Variants in NXPH1 observed in about 807,000 individuals in gnomAD.
The protein encoded by NXPH1 is neurexophilin-1.
Under a neutral mutation model 23.7 loss-of-function variants are expected in NXPH1, and 5 were observed. That is an observed-to-expected ratio of 0.21 (90% confidence interval 0.11 to 0.44). The LOEUF is 0.44. NXPH1 is among the 20% of genes least tolerant of loss of function. NXPH1 has a pLI of 0.99. For missense variants in NXPH1, 324 were observed against 321.6 expected (o/e 1.01, Z -0.06); for synonymous variants, 144 against 122.2 (o/e 1.18, Z -1.18).
At chr7:8,739,366 C>A (rs1025041630) in intron 2 of NXPH1, among the ~76,000 whole-genome samples, 2 of 152,000 alleles carry the variant, frequency 1.3e-5, no homozygotes, top group African/African-American at 4.8e-5. Flanking sequence ...TCCTTCAAGG[C>A]ACATTCTCTC....
intron 2 of NXPH1, among the ~76,000 whole-genome samples, chr7:8,643,225 G>A (rs1459872648): frequency 1.3e-5 from 2 of 151,996 alleles, no homozygotes; most frequent in Non-Finnish European, 2.9e-5. Flanking sequence ...TAATTAGTAT[G>A]ATAAATAGCT....
At chr7:8,740,387 T>G (rs1028957591) in intron 2 of NXPH1, among the ~76,000 whole-genome samples, 2 of 152,192 alleles carry the variant, frequency 1.3e-5, no homozygotes, top group Non-Finnish European at 2.9e-5. Flanking sequence ...CCCCATGACA[T>G]GCACTACATA....
At chr7:8,570,743 G>T (rs1332919406) in intron 2 of NXPH1, among the ~76,000 whole-genome samples, 1 of 151,920 alleles carries the variant, frequency 6.6e-6, no homozygotes, top group Non-Finnish European at 1.5e-5. Flanking sequence ...TTCAGGAGCA[G>T]AGAGAAGTGG....
chr7:8,752,007 T>TCTCACA lies in NXPH1; in HGVS notation c.*239_*244dup. 2.1e-6 allele frequency: 1 copy of TCTCACA among 486,666 alleles called. No individual in the cohort carries two copies. The allele number at this position is 486,666 out of a possible 1,614,324, so 30.1% of individuals were successfully genotyped here. ...TTTGAATTCACACCTGAAGACATGC[T>TCTCACA]CTCACATATAGAGGTACACAAACAC... On this transcript the variant is annotated 3_prime_UTR_variant, in exon 3 of 3. Transcript: ENST00000405863.
chr7:8,722,291 A>G (rs1583246222), intron 2 of NXPH1, among the ~76,000 whole-genome samples: 1 of 152,368 alleles, frequency 6.6e-6, no homozygotes, highest in South Asian at 2.1e-4. Flanking sequence ...TTTTAAAAGC[A>G]AGACTTCTGA....
At chr7:8,620,501 T>C (rs1027761840) in intron 2 of NXPH1, among the ~76,000 whole-genome samples, 3 of 152,144 alleles carry the variant, frequency 2.0e-5, no homozygotes, top group African/African-American at 7.2e-5. Context: ...ACTGTGACTT[T>C]TGGGCAAAAG....
chr7:8,629,898 A>G (rs1820088932), intron 2 of NXPH1, among the ~76,000 whole-genome samples: 1 of 152,134 alleles, frequency 6.6e-6, no homozygotes, highest in Non-Finnish European at 1.5e-5. Flanking sequence ...AGGTCCTACA[A>G]CCTTTTGCCT....
intron 2 of NXPH1, among the ~76,000 whole-genome samples, chr7:8,661,794 C>A (rs1215478504): frequency 6.6e-6 from 1 of 151,956 alleles, no homozygotes; most frequent in Non-Finnish European, 1.5e-5. Flanking sequence ...ATGAGGAGTG[C>A]CCCTCAGTCT....
chr7:8,487,863 C>T (rs1336718511), intron 2 of NXPH1, among the ~76,000 whole-genome samples: 1 of 152,112 alleles, frequency 6.6e-6, no homozygotes, highest in Non-Finnish European at 1.5e-5. Flanking sequence ...TCTTTCAACA[C>T]CAGATTGCCT....
intron 2 of NXPH1, among the ~76,000 whole-genome samples, chr7:8,619,590 C>G (rs2214507): frequency 0.28 from 42,133 of 152,068 alleles, 6,313 homozygotes; most frequent in African/African-American, 0.36. Context: ...ATTGAGCAAC[C>G]TCACTGACTC....
chr7:8,493,938 A>C (rs1817294865), intron 2 of NXPH1, among the ~76,000 whole-genome samples: 1 of 152,024 alleles, frequency 6.6e-6, no homozygotes, highest in Non-Finnish European at 1.5e-5. Context: ...GTTTTTGTTC[A>C]CTCAAATAAG....
chr7:8,679,005 T>C (rs1265517243), intron 2 of NXPH1, among the ~76,000 whole-genome samples: 1 of 139,544 alleles, frequency 7.2e-6, no homozygotes, highest in Admixed American at 7.5e-5. Context: ...CTGAGTGCAG[T>C]GGCACGATTT....
At chr7:8,633,370 G>C (rs1293306717) in intron 2 of NXPH1, among the ~76,000 whole-genome samples, 1 of 152,226 alleles carries the variant, frequency 6.6e-6, no homozygotes, top group Non-Finnish European at 1.5e-5. Flanking sequence ...GGAGATTGCA[G>C]TGAGCCAAGA....
At chr7:8,457,409 C>T (rs1158420896) in intron 2 of NXPH1, among the ~76,000 whole-genome samples, 3 of 152,130 alleles carry the variant, frequency 2.0e-5, no homozygotes, top group Non-Finnish European at 2.9e-5. Context: ...AGCTATGCAG[C>T]AAAGAATCAG....
intron 2 of NXPH1, among the ~76,000 whole-genome samples, chr7:8,701,161 C>T (rs867164294): frequency 6.6e-6 from 1 of 152,050 alleles, no homozygotes; most frequent in Non-Finnish European, 1.5e-5. Context: ...TAACCTTTAT[C>T]TCTTGCCTGG....
At chr7:8,663,097 T>A (rs1377296339) in intron 2 of NXPH1, among the ~76,000 whole-genome samples, 1 of 152,018 alleles carries the variant, frequency 6.6e-6, no homozygotes, top group Non-Finnish European at 1.5e-5. Flanking sequence ...AGTCAGAGGG[T>A]ATCAGGATGT....
At chr7:8,698,510 C>T (rs1274592757) in intron 2 of NXPH1, among the ~76,000 whole-genome samples, 1 of 152,096 alleles carries the variant, frequency 6.6e-6, no homozygotes, top group Non-Finnish European at 1.5e-5. Context: ...TTATTGATTG[C>T]TCTATGTATA....
intron 2 of NXPH1, among the ~76,000 whole-genome samples, chr7:8,529,201 A>G (rs900717111): frequency 3.0e-4 from 45 of 152,210 alleles, no homozygotes; most frequent in African/African-American, 1.0e-3. Flanking sequence ...GACTCACGTG[A>G]TCACATTGGG....
intron 2 of NXPH1, among the ~76,000 whole-genome samples, chr7:8,517,136 T>C (rs1817698370): frequency 1.3e-5 from 2 of 152,104 alleles, no homozygotes; most frequent in African/African-American, 4.8e-5. Context: ...GCATTTGCCT[T>C]TGCTGAGCTA....
Sources: gnomAD v4.1 joint callset for allele counts (sites outside exome capture counted in the v4.1 genomes callset) on GRCh38, gnomAD v4.1.1 for gene constraint, MANE v1.5 for transcripts, NCBI Gene and HGNC (gene_info 2026-07-23, HGNC 2026-07-21) for gene names.